The following KIF1B variants were observed in gnomAD, a reference collection of about 807,000 sequenced individuals.
KIF1B encodes the protein kinesin-like protein KIF1B.
A neutral mutation model predicts 241.9 loss-of-function variants in KIF1B; 76 were observed. That is an observed-to-expected ratio of 0.31 (90% CI 0.26 to 0.38). KIF1B has a LOEUF of 0.38. Among genes scored for constraint, KIF1B ranks in the 10% least tolerant of loss-of-function variants. The pLI is 1.00. For missense variants in KIF1B, 1,622 were observed against 2,271.4 expected, an observed-to-expected ratio of 0.71 and a Z score of 5.81; for synonymous variants, 750 against 796.7, an observed-to-expected ratio of 0.94 and a Z score of 0.99.
rs1489736423 is a variant in KIF1B at position 10,365,054 on chromosome 1, A to G, written c.4367-46A>G. 6.5e-7 allele frequency: 1 copy of G among 1,535,160 alleles called. No individual in the cohort carries two copies. Among genetic ancestry groups the G allele is most frequent in the Admixed American group, 1.8e-5 (1 of 55,092 alleles). On this transcript the variant is annotated intron_variant, in intron 41 of 48. Transcript: ENST00000676179. The surrounding 1 kb of genome is among the most constrained non-coding windows in gnomAD (Gnocchi z 4.0). ...TAATTCGTTTTGACCTAAACTTGGA[A>G]TTGAATTTTTTTTCTGAAACAAAAA... is the stretch of plus-strand genomic sequence containing the variant.
Position 10,375,244 on chromosome 1 carries a change from T to A in KIF1B, c.5290-11T>A, listed in dbSNP as rs1359070514. On this transcript the variant is annotated splice_polypyrimidine_tract_variant and intron_variant, in intron 47 of 48. Transcript: ENST00000676179. ...TAGTAACTTTCTTGTCTACCTGCAT[T>A]TTTCTTTCAGACACCAAACACCTTT... The A allele has an allele frequency of 1.2e-6, 2 of 1,611,060 alleles. No individual in the cohort carries two copies. The highest frequency in any genetic ancestry group is 1.7e-6 in the Non-Finnish European group (2 of 1,177,100).
intron 3 of KIF1B, among the ~76,000 whole-genome samples, chr1:10,257,342 C>T (rs1445418172): frequency 2.0e-5 from 3 of 149,132 alleles, no homozygotes; most frequent in Admixed American, 6.7e-5. Context: ...GGCTTGGTGG[C>T]GGGTGCCTGT....
chr1:10,313,765 T>A (rs911999504), intron 22 of KIF1B, among the ~76,000 whole-genome samples: 1 of 150,916 alleles, frequency 6.6e-6, no homozygotes, highest in Non-Finnish European at 1.5e-5. Context: ...TTAGCCAGGA[T>A]GGTCTTGATC....
chr1:10,378,414 TGA>T lies in KIF1B; in HGVS notation c.*1831_*1832del. The T allele has an allele frequency of 1.4e-6, 1 of 717,960 alleles. No homozygotes were observed. Among genetic ancestry groups the T allele is most frequent in the Admixed American group, 2.0e-5 (1 of 50,030 alleles). 44.5% of individuals were successfully genotyped at this position (717,960 alleles called of 1,614,324 possible). The stretch of plus-strand genomic sequence containing the variant: ...TCAGCTGCCAGTAAGTTTTCCAGGA[TGA>T]GAGGGGAAAAAGAAAGCCTCCAGTG... On this transcript the variant is annotated 3_prime_UTR_variant, in exon 49 of 49. Coordinates refer to ENST00000676179, the MANE Select transcript of KIF1B (RefSeq NM_001365951.3).
intron 2 of KIF1B, among the ~76,000 whole-genome samples, chr1:10,238,706 AAACAACAACAACAACAAC>A (rs146414281): frequency 6.6e-6 from 1 of 150,576 alleles, no homozygotes; most frequent in Non-Finnish European, 1.5e-5. Flanking sequence ...CCCCATCCAA[AAACAACAACAACAACAAC>A]AACAACAACA....
intron 5 of KIF1B, 55 bp from the exon 6 acceptor site, chr1:10,267,325 G>T: frequency 6.4e-7 from 1 of 1,552,610 alleles, no homozygotes; most frequent in South Asian, 1.1e-5. Flanking sequence ...ACCGCGCCCG[G>T]CTTCTGTATG....
chr1:10,289,471 A>G (rs1398798773), intron 15 of KIF1B, among the ~76,000 whole-genome samples: 1 of 152,042 alleles, frequency 6.6e-6, no homozygotes, highest in Non-Finnish European at 1.5e-5. Context: ...TGTCCTGACA[A>G]CCTCACTTTA....
chr1:10,346,467 C>T (rs755070635), intron 35 of KIF1B, among the ~76,000 whole-genome samples: 11 of 152,018 alleles, frequency 7.2e-5, no homozygotes, highest in Non-Finnish European at 1.6e-4. Flanking sequence ...CAGGTTCAAG[C>T]GATTCTCCTG....
intron 22 of KIF1B, among the ~76,000 whole-genome samples, chr1:10,316,088 C>A (rs1343783332): frequency 1.4e-5 from 2 of 145,724 alleles, no homozygotes; most frequent in Non-Finnish European, 3.0e-5. Context: ...TATGAAGGGG[C>A]CAGGCACGTT....
chr1:10,339,950 C>A, intron 32 of KIF1B, 91 bp downstream of exon 32: 1 of 1,068,886 alleles, frequency 9.4e-7, no homozygotes, highest in Non-Finnish European at 1.4e-6. Flanking sequence ...AGGTACAAGT[C>A]ACTGGCTGTG....
intron 3 of KIF1B, among the ~76,000 whole-genome samples, chr1:10,256,989 G>T (rs1350838806): frequency 6.6e-6 from 1 of 152,134 alleles, no homozygotes; most frequent in East Asian, 1.9e-4. Flanking sequence ...TGGGATTACA[G>T]GTGTGAGCCA....
At chr1:10,270,926 A>C (rs911313103) in intron 7 of KIF1B, among the ~76,000 whole-genome samples, 5 of 104,826 alleles carry the variant, frequency 4.8e-5, no homozygotes, top group Non-Finnish European at 8.4e-5. Flanking sequence ...ACTCTGTCTC[A>C]AAAAAAAAAA....
At chr1:10,214,320 C>T (rs1275566453) in intron 1 of KIF1B, among the ~76,000 whole-genome samples, 4 of 151,548 alleles carry the variant, frequency 2.6e-5, no homozygotes, top group South Asian at 2.1e-4. Context: ...GACAGAGTCT[C>T]GCCCTGTCAC....
At chr1:10,259,973 TTAAG>T (rs980008813) in intron 4 of KIF1B, among the ~76,000 whole-genome samples, 2 of 152,066 alleles carry the variant, frequency 1.3e-5, no homozygotes, top group African/African-American at 2.4e-5. Context: ...AAAAAAAAGA[TTAAG>T]TGAGAAGATT....
chr1:10,378,006 T>C lies in KIF1B; in HGVS notation c.*1419T>C, dbSNP rs1051570651. 9.1e-5 allele frequency: 29 copies of C among 320,332 alleles called. No homozygotes were observed. The highest frequency in any genetic ancestry group is 5.9e-4 in the African/African-American group (28 of 47,260). 19.8% of individuals were successfully genotyped at this position (320,332 alleles called of 1,614,324 possible). A position where few individuals can be genotyped will look rare whatever the true frequency, so the allele number is the denominator to read the frequency against. ...TTACAGCTCCCTTTGATCAAAGAAA[T>C]ATAGCTTTCAGGCATAAACCTGGAA... On this transcript the variant is annotated 3_prime_UTR_variant, in exon 49 of 49. Coordinates refer to ENST00000676179, the MANE Select transcript of KIF1B (RefSeq NM_001365951.3).
chr1:10,235,690 G>A (rs1448180495), intron 2 of KIF1B, among the ~76,000 whole-genome samples: 6 of 151,774 alleles, frequency 4.0e-5, no homozygotes, highest in Non-Finnish European at 8.8e-5. Context: ...ATGAAACCTC[G>A]TCTCTACTAA....
chr1:10,365,429 T>C lies in KIF1B; in HGVS notation c.4533T>C (p.Phe1511=). ...LLHEVEKTRH[F]LLLRERLGDS... Reference sequence around the variant, plus strand: ...CTCAGGTGGAAAAAACCCGCCACTTTTTGCTGCTGCGTGAGAGACTTGGTG... The same window carrying C: ...CTCAGGTGGAAAAAACCCGCCACTTCTTGCTGCTGCGTGAGAGACTTGGTG... The change falls in exon 43 of 49, where the codon TTT becomes TTC. Residue 1511 remains phenylalanine, a synonymous_variant. Coordinates refer to ENST00000676179, the MANE Select transcript of KIF1B (RefSeq NM_001365951.3). This position sits in a 1 kb window ranked among gnomAD's most constrained non-coding sequence, Gnocchi z 4.0. 6.2e-7 allele frequency: 1 copy of C among 1,614,172 alleles called. No homozygotes were observed. Among genetic ancestry groups the C allele is most frequent in the Non-Finnish European group, 8.5e-7 (1 of 1,180,036 alleles).
At chr1:10,350,404 A>G (rs1010033023) in intron 37 of KIF1B, among the ~76,000 whole-genome samples, 1 of 150,862 alleles carries the variant, frequency 6.6e-6, no homozygotes, top group Non-Finnish European at 1.5e-5. Context: ...CTAAAAATAC[A>G]AAAAAATTAG....
intron 2 of KIF1B, among the ~76,000 whole-genome samples, chr1:10,254,129 A>C (rs111723695): frequency 4.3e-4 from 65 of 152,318 alleles, no homozygotes; most frequent in African/African-American, 1.5e-3. Flanking sequence ...TGAGGAGCTA[A>C]AGCTTTGTGT....
Sources: allele counts gnomAD v4.1 joint callset (sites outside exome capture counted in the v4.1 genomes callset), GRCh38; gene constraint gnomAD v4.1.1; non-coding constraint Gnocchi (gnomAD v3.1); transcripts MANE v1.5; gene names NCBI Gene and HGNC (gene_info 2026-07-23, HGNC 2026-07-21).